DGKB: variants seen among roughly 807,000 people sequenced by gnomAD.
DGKB encodes the protein 90 kDa diacylglycerol kinase.
A neutral mutation model predicts 114.3 loss-of-function variants in DGKB; 67 were observed. The observed-to-expected ratio is 0.59, with a 90% CI of 0.48 to 0.72. The LOEUF (loss-of-function observed/expected upper bound fraction) is 0.72. DGKB is among the 30% of genes least tolerant of loss of function. DGKB has a pLI of 0.00. For synonymous variants in DGKB, 398 were observed against 323.1 expected (o/e 1.23, Z -2.49); for missense variants, 907 against 975.2 (o/e 0.93, Z 0.93).
chr7:14,968,369 A>G (rs1787284358), intron 1 of DGKB, among the ~76,000 whole-genome samples: 1 of 152,192 alleles, frequency 6.6e-6, no homozygotes, highest in Non-Finnish European at 1.5e-5. Context: ...TTGTATTCAC[A>G]GTAAAAAATC....
At chr7:14,386,895 G>A (rs931843083) in intron 21 of DGKB, among the ~76,000 whole-genome samples, 2 of 151,778 alleles carry the variant, frequency 1.3e-5, no homozygotes, top group Admixed American at 6.6e-5. Context: ...TCTAGTAGAA[G>A]CCTTCTTTCT....
chr7:14,376,232 C>G (rs1292238447), intron 21 of DGKB, among the ~76,000 whole-genome samples: 1 of 152,116 alleles, frequency 6.6e-6, no homozygotes, highest in Non-Finnish European at 1.5e-5. Flanking sequence ...GCAGCTGTGG[C>G]CAAAATCAGA....
intron 14 of DGKB, among the ~76,000 whole-genome samples, chr7:14,628,969 G>A (rs1809164365): frequency 6.6e-6 from 1 of 151,884 alleles, no homozygotes; most frequent in Admixed American, 6.6e-5. Flanking sequence ...ACAAAAATTT[G>A]GATCTATTTA....
At chr7:14,209,660 G>A in intron 23 of DGKB, 9 of 344,614 alleles carry the variant, frequency 2.6e-5, no homozygotes, top group Non-Finnish European at 4.6e-5. Context: ...GTTTATCTTT[G>A]GAAAAAATAA....
chr7:14,441,423 A>G (rs766265198), intron 21 of DGKB, among the ~76,000 whole-genome samples: 14 of 152,246 alleles, frequency 9.2e-5, no homozygotes, highest in Non-Finnish European at 1.8e-4. Flanking sequence ...AACTTTCTCA[A>G]TAAAGTTTAT....
rs1213570495 is a variant in DGKB at position 14,617,441 on chromosome 7, A to C, written c.1284+3937T>G. 2.0e-5 allele frequency among the ~76,000 whole-genome samples: 3 copies of C among 151,570 alleles called. No individual in the cohort carries two copies. In the Admixed American group the frequency reaches 2.0e-4, roughly 10 times the overall value. On this transcript the variant is annotated intron_variant, in intron 15 of 25. Coordinates refer to ENST00000402815, the MANE Select transcript of DGKB (RefSeq NM_001350709.2). ...CAAAATATATGTAGAATCCCATCAC[A>C]TCTCTCTACTTCCACTGCTCCATCC...
chr7:14,639,345 A>G (rs2128870266), intron 13 of DGKB, among the ~76,000 whole-genome samples: 1 of 152,338 alleles, frequency 6.6e-6, no homozygotes, highest in African/African-American at 2.4e-5. Flanking sequence ...AGAGGCTATC[A>G]AAGGTAAGCA....
intron 20 of DGKB, among the ~76,000 whole-genome samples, chr7:14,531,070 A>C (rs987605908): frequency 6.6e-6 from 1 of 151,574 alleles, no homozygotes; most frequent in African/African-American, 2.4e-5. Context: ...AAATACACAT[A>C]AAGTGCAGCT....
At chr7:14,667,924 T>C (rs950477009) in intron 13 of DGKB, among the ~76,000 whole-genome samples, 2 of 152,084 alleles carry the variant, frequency 1.3e-5, no homozygotes, top group African/African-American at 4.8e-5. Context: ...CCCGAAGGGC[T>C]TGACACAACA....
intron 13 of DGKB, among the ~76,000 whole-genome samples, chr7:14,664,742 C>T (rs1388238930): frequency 6.6e-6 from 1 of 151,914 alleles, no homozygotes; most frequent in South Asian, 2.1e-4. Context: ...CCTCTAGAGC[C>T]CCTGTAAGTG....
chr7:14,172,107 A>G (rs539070846), intron 25 of DGKB, among the ~76,000 whole-genome samples: 24 of 152,340 alleles, frequency 1.6e-4, no homozygotes, highest in Middle Eastern at 3.4e-3. Flanking sequence ...AATGAGCCTC[A>G]AAAGATGTGT....
At chr7:14,452,651 C>G (rs759186284) in intron 21 of DGKB, among the ~76,000 whole-genome samples, 3 of 151,848 alleles carry the variant, frequency 2.0e-5, no homozygotes, top group Non-Finnish European at 4.4e-5. Flanking sequence ...TCAAGTGAAA[C>G]TGACTGAATT....
intron 21 of DGKB, among the ~76,000 whole-genome samples, chr7:14,387,608 G>A (rs561555736): frequency 2.0e-5 from 3 of 151,712 alleles, no homozygotes; most frequent in African/African-American, 7.3e-5. Context: ...GTAGAGACGG[G>A]GTCTCACTAT....
intron 6 of DGKB, among the ~76,000 whole-genome samples, chr7:14,708,197 G>A (rs1413404803): frequency 1.2e-5 from 1 of 85,392 alleles, no homozygotes; most frequent in Admixed American, 1.3e-4. Flanking sequence ...CAAATCATGA[G>A]TGAACTCCCA....
intron 14 of DGKB, among the ~76,000 whole-genome samples, 180 bp downstream of exon 14, chr7:14,630,056 T>C (rs1233265863): frequency 6.6e-6 from 1 of 152,070 alleles, no homozygotes; most frequent in Non-Finnish European, 1.5e-5. Flanking sequence ...ATTCTTCAAG[T>C]CTATCCCATC....
intron 9 of DGKB, among the ~76,000 whole-genome samples, chr7:14,688,479 G>C (rs1032282762): frequency 6.6e-6 from 1 of 152,112 alleles, no homozygotes; most frequent in Non-Finnish European, 1.5e-5. Context: ...TATATAAACA[G>C]CAAATATTAT....
At chr7:14,356,814 G>C (rs895144996) in intron 21 of DGKB, among the ~76,000 whole-genome samples, 2 of 152,120 alleles carry the variant, frequency 1.3e-5, no homozygotes, top group African/African-American at 4.8e-5. Context: ...GTTCTCATTG[G>C]TTTCAAAGAA....
intron 23 of DGKB, among the ~76,000 whole-genome samples, chr7:14,267,324 T>C (rs989045059): frequency 2.6e-5 from 4 of 152,136 alleles, no homozygotes; most frequent in African/African-American, 9.7e-5. Flanking sequence ...GCCCTGAATC[T>C]ACATGAAGAA....
intron 25 of DGKB, among the ~76,000 whole-genome samples, chr7:14,170,897 G>A (rs138979020): frequency 1.3e-5 from 2 of 152,212 alleles, no homozygotes; most frequent in Non-Finnish European, 2.9e-5. Context: ...CAAGCAGTCA[G>A]TGTCCAAGTC....
Sources: allele counts gnomAD v4.1 joint callset (sites outside exome capture counted in the v4.1 genomes callset), GRCh38; gene constraint gnomAD v4.1.1; transcripts MANE v1.5; gene names NCBI Gene and HGNC (gene_info 2026-07-23, HGNC 2026-07-21).